The following CCDC178 variants were observed in gnomAD, a reference collection of about 807,000 sequenced individuals.
CCDC178 encodes coiled-coil domain containing 178, also known as coiled-coil domain-containing protein 178.
CCDC178 carries 126 observed loss-of-function variants against 117.4 expected under a neutral mutation model. That is an observed-to-expected ratio of 1.07 (90% confidence interval 0.93 to 1.24). The LOEUF (loss-of-function observed/expected upper bound fraction) is 1.24. CCDC178 is among the 50% of genes most tolerant of loss of function. The pLI, the probability that CCDC178 is intolerant of heterozygous loss-of-function variation, is 0.00. For missense variants in CCDC178, 1,030 were observed against 986.9 expected (o/e 1.04, Z -0.59); for synonymous variants, 283 against 313.4 (o/e 0.90, Z 1.02).
In CCDC178 at chr18:33,108,873, G is replaced by T. The variant is rs369896336; in HGVS notation, c.2239-15963C>A. Among the ~76,000 whole-genome samples the T allele has an allele frequency of 5.9e-5, 9 of 151,656 alleles. No homozygotes were observed. The East Asian group carries it at 7.8e-4, about 13-fold the overall frequency. On this transcript the variant is annotated intron_variant, in intron 20 of 22. Coordinates refer to ENST00000383096, the MANE Select transcript of CCDC178 (RefSeq NM_001105528.4). ...TAATTTAAAAATAAAACTTTAGTTAGAAATGTTATCTGTGTTAGGGAAATT... is the reference window on the plus strand; with the variant it reads ...TAATTTAAAAATAAAACTTTAGTTATAAATGTTATCTGTGTTAGGGAAATT...
chr18:33,146,977 T>C (rs543078698), intron 20 of CCDC178, among the ~76,000 whole-genome samples: 1 of 152,198 alleles, frequency 6.6e-6, no homozygotes, highest in African/African-American at 2.4e-5. Context: ...AAGACCTTAA[T>C]TAAGAAAACT....
chr18:33,087,810 A>C (rs555071572), intron 21 of CCDC178, among the ~76,000 whole-genome samples: 1 of 152,354 alleles, frequency 6.6e-6, no homozygotes, highest in South Asian at 2.1e-4. Flanking sequence ...ATACTTATAA[A>C]AATGAGAATC....
chr18:33,122,707 G>T (rs271570), intron 20 of CCDC178, among the ~76,000 whole-genome samples: 26,675 of 152,054 alleles, frequency 0.18, 3,003 homozygotes, highest in African/African-American at 0.32. Flanking sequence ...CATTTTTAAA[G>T]TCTGTTATTG....
At chr18:33,359,314 G>A (rs539322095) in intron 6 of CCDC178, among the ~76,000 whole-genome samples, 10 of 151,688 alleles carry the variant, frequency 6.6e-5, no homozygotes, top group African/African-American at 1.2e-4. Context: ...ATGAAGAAAC[G>A]TTTTAAGGTA....
At chr18:33,065,768 G>C (rs942817449) in intron 21 of CCDC178, among the ~76,000 whole-genome samples, 2 of 152,022 alleles carry the variant, frequency 1.3e-5, no homozygotes, top group Non-Finnish European at 2.9e-5. Context: ...TACAGGCAAG[G>C]AGAGAATGGG....
At chr18:33,113,071 T>TCTA (rs1233889511) in intron 20 of CCDC178, among the ~76,000 whole-genome samples, 1 of 151,964 alleles carries the variant, frequency 6.6e-6, no homozygotes, top group Non-Finnish European at 1.5e-5. Context: ...GAAGCCAAAC[T>TCTA]CTAAGAATTT....
At chr18:33,006,278 G>A (rs1190642943) in intron 21 of CCDC178, among the ~76,000 whole-genome samples, 1 of 151,998 alleles carries the variant, frequency 6.6e-6, no homozygotes, top group African/African-American at 2.4e-5. Context: ...AATGCATTAT[G>A]TAAGCTAATT....
intron 20 of CCDC178, among the ~76,000 whole-genome samples, chr18:33,196,659 C>G (rs868182031): frequency 2.6e-5 from 4 of 151,916 alleles, no homozygotes; most frequent in Non-Finnish European, 5.9e-5. Context: ...CATGCCAAGA[C>G]GACAAAAGCT....
rs560705322 is a variant in CCDC178 at position 33,237,834 on chromosome 18, A to C, written c.1593+7411T>G. ...TTGCCCTGAAGACACACCTGAAGGC[A>C]GTTGAGCAACTGCATGCCCATACTT... On this transcript the variant is annotated intron_variant, in intron 15 of 22. Transcript: ENST00000383096. Among the ~76,000 whole-genome samples the C allele has an allele frequency of 1.6e-4, 24 of 152,282 alleles. 1 individual carries two copies. The South Asian group carries it at 5.0e-3, about 32-fold the overall frequency.
At chr18:33,217,694 G>A (rs1409026891) in intron 18 of CCDC178, among the ~76,000 whole-genome samples, 2 of 151,906 alleles carry the variant, frequency 1.3e-5, no homozygotes, top group East Asian at 3.9e-4. Context: ...AAAGAAATGT[G>A]ATTCTGAAAT....
intron 21 of CCDC178, among the ~76,000 whole-genome samples, chr18:33,013,855 T>G (rs1212256381): frequency 1.3e-5 from 2 of 152,210 alleles, no homozygotes; most frequent in African/African-American, 4.8e-5. Flanking sequence ...AGGTACACTG[T>G]GTAAAAGATC....
chr18:33,382,693 T>A (rs1357578841), intron 5 of CCDC178, among the ~76,000 whole-genome samples: 1 of 151,660 alleles, frequency 6.6e-6, no homozygotes, highest in Non-Finnish European at 1.5e-5. Flanking sequence ...ATGAGGAGAT[T>A]CCCCCGTGAG....
intron 5 of CCDC178, among the ~76,000 whole-genome samples, chr18:33,380,931 C>T (rs563405262): frequency 6.6e-6 from 1 of 152,172 alleles, no homozygotes; most frequent in East Asian, 1.9e-4. Flanking sequence ...ATTCACACAT[C>T]GAGGCACGTC....
At chr18:33,037,250 A>G (rs2056461838) in intron 21 of CCDC178, among the ~76,000 whole-genome samples, 1 of 151,976 alleles carries the variant, frequency 6.6e-6, no homozygotes, top group African/African-American at 2.4e-5. Flanking sequence ...TTTAAATGAG[A>G]CAAATAGTCC....
chr18:33,331,285 G>A (rs2062665267), intron 10 of CCDC178, among the ~76,000 whole-genome samples: 1 of 151,886 alleles, frequency 6.6e-6, no homozygotes, highest in Non-Finnish European at 1.5e-5. Flanking sequence ...GTAAGTTATA[G>A]GAATAAACCA....
chr18:33,190,386 A>T (rs1239673198), intron 20 of CCDC178, among the ~76,000 whole-genome samples: 1 of 152,150 alleles, frequency 6.6e-6, no homozygotes, highest in East Asian at 1.9e-4. Context: ...TCACAGCTAC[A>T]CAGAATTTGA....
intron 11 of CCDC178, among the ~76,000 whole-genome samples, chr18:33,304,810 A>G (rs2144922882): frequency 6.6e-6 from 1 of 152,334 alleles, no homozygotes; most frequent in South Asian, 2.1e-4. Flanking sequence ...GATAGTTCAC[A>G]GTCCTCATGA....
intron 20 of CCDC178, among the ~76,000 whole-genome samples, chr18:33,162,306 C>T (rs1259044010): frequency 6.6e-6 from 1 of 152,136 alleles, no homozygotes; most frequent in Non-Finnish European, 1.5e-5. Flanking sequence ...ACGTTGTGCA[C>T]ATGTACCCTA....
At chr18:33,052,538 A>C (rs1470392097) in intron 21 of CCDC178, among the ~76,000 whole-genome samples, 1 of 152,220 alleles carries the variant, frequency 6.6e-6, no homozygotes, top group African/African-American at 2.4e-5. Context: ...CCGCATTTAG[A>C]GTCCATCCAA....
Sources: gnomAD v4.1 joint callset for allele counts (sites outside exome capture counted in the v4.1 genomes callset) on GRCh38, gnomAD v4.1.1 for gene constraint, MANE v1.5 for transcripts, NCBI Gene and HGNC (gene_info 2026-07-23, HGNC 2026-07-21) for gene names.